Variants in CLINT1 observed in about 807,000 individuals in gnomAD.
The protein encoded by CLINT1 is clathrin interacting protein localized in the trans-Golgi region.
CLINT1 carries 15 observed loss-of-function variants against 70.4 expected under a neutral mutation model. That is an observed-to-expected ratio of 0.21 (90% CI 0.14 to 0.33). The LOEUF (loss-of-function observed/expected upper bound fraction) is 0.33. Among genes scored for constraint, CLINT1 ranks in the 10% least tolerant of loss-of-function variants. The probability of loss-of-function intolerance (pLI) is 1.00; values close to 1 mark genes in which losing one functional copy is unlikely to be tolerated. For missense variants in CLINT1, 615 were observed against 778.1 expected (o/e 0.79, Z 2.49); for synonymous variants, 227 against 254.7 (o/e 0.89, Z 1.04).
In CLINT1 at chr5:157,859,054, GCCGGGGT is replaced by G; in HGVS notation, c.-91_-85del. ...CACTTCCGTACCGGGGCAGTTCCAG[GCCGGGGT>G]CACCGCCGCCCGCCGCCTCGAACTC... is the stretch of plus-strand genomic sequence containing the variant. On this transcript the variant is annotated 5_prime_UTR_variant, in exon 1 of 12. Coordinates refer to ENST00000411809, the MANE Select transcript of CLINT1 (RefSeq NM_014666.4). 6.6e-7 allele frequency: 1 copy of G among 1,517,686 alleles called. No homozygotes were observed. Among genetic ancestry groups the G allele is most frequent in the Non-Finnish European group, 9.0e-7 (1 of 1,112,944 alleles). 94.0% of individuals were successfully genotyped at this position (1,517,686 alleles called of 1,614,324 possible).
chr5:157,806,235 G>A, intron 6 of CLINT1, 123 bp from the exon 7 acceptor site: 1 of 922,794 alleles, frequency 1.1e-6, no homozygotes, highest in Non-Finnish European at 1.6e-6. Context: ...TTGACTACTT[G>A]ACAGGGATCA....
At chr5:157,842,062 T>C (rs754206617) in intron 1 of CLINT1, among the ~76,000 whole-genome samples, 4 of 152,252 alleles carry the variant, frequency 2.6e-5, no homozygotes, top group African/African-American at 4.8e-5. Context: ...ATGAACATTA[T>C]AAGCTTTTAG....
At chr5:157,790,700 G>GT (rs1330359688) in intron 10 of CLINT1, 5 of 447,788 alleles carry the variant, frequency 1.1e-5, no homozygotes, top group Non-Finnish European at 2.2e-5. Flanking sequence ...ATTCTCAATA[G>GT]TTTGAGTCAA....
At chr5:157,804,511 T>C (rs1762329034) in intron 7 of CLINT1, among the ~76,000 whole-genome samples, 1 of 152,178 alleles carries the variant, frequency 6.6e-6, no homozygotes, top group South Asian at 2.1e-4. Flanking sequence ...TAAAATACTA[T>C]ATACTGTGAT....
rs186962185 is a variant in CLINT1 at position 157,844,325 on chromosome 5, A to T, written c.41+14605T>A. 5.5e-4 allele frequency among the ~76,000 whole-genome samples: 84 copies of T among 152,298 alleles called. No homozygotes were observed. In the South Asian group the frequency reaches 0.015, roughly 28 times the overall value. On this transcript the variant is annotated intron_variant, in intron 1 of 11. Transcript: ENST00000411809. ...TAATATGGACCTTCTTTCGTTTATG[A>T]CAGAACTAGCTTCTAAGAAAGTACT... is the stretch of plus-strand genomic sequence containing the variant.
At chr5:157,854,539 T>G (rs1753683013) in intron 1 of CLINT1, among the ~76,000 whole-genome samples, 1 of 151,962 alleles carries the variant, frequency 6.6e-6, no homozygotes, top group South Asian at 2.1e-4. Flanking sequence ...GTCTCAAAAA[T>G]AAAAAATAAA....
At chr5:157,807,241 T>C (rs1364294954) in intron 6 of CLINT1, among the ~76,000 whole-genome samples, 2 of 152,130 alleles carry the variant, frequency 1.3e-5, no homozygotes, top group Non-Finnish European at 2.9e-5. Context: ...GGGTTAAATA[T>C]ATTTTTATAT....
intron 9 of CLINT1, among the ~76,000 whole-genome samples, chr5:157,793,492 C>T (rs10068574): frequency 0.016 from 2,394 of 152,136 alleles, 65 homozygotes; most frequent in African/African-American, 0.054. Flanking sequence ...CAGCCCCCTG[C>T]GTAAGGTGGT....
chr5:157,804,921 C>A (rs114122687), intron 7 of CLINT1, among the ~76,000 whole-genome samples: 1,514 of 144,400 alleles, frequency 0.01, 23 homozygotes, highest in African/African-American at 0.036. Context: ...GAGCGAAACT[C>A]GGTCTTCCAA....
intron 1 of CLINT1, among the ~76,000 whole-genome samples, chr5:157,818,142 G>A (rs1762777546): frequency 6.6e-6 from 1 of 152,084 alleles, no homozygotes; most frequent in Non-Finnish European, 1.5e-5. Flanking sequence ...TTTACTGGCT[G>A]CATAATATTC....
intron 3 of CLINT1, among the ~76,000 whole-genome samples, chr5:157,816,131 A>AT (rs1762715868): frequency 6.6e-6 from 1 of 152,200 alleles, no homozygotes; most frequent in Non-Finnish European, 1.5e-5. Context: ...TAACACATAG[A>AT]TTTTCAATCC....
chr5:157,791,582 C>G, intron 10 of CLINT1, 121 bp downstream of exon 10: 1 of 851,756 alleles, frequency 1.2e-6, no homozygotes, highest in Non-Finnish European at 1.9e-6. Context: ...CACACAGACA[C>G]ATATTCATAC....
chr5:157,848,955 C>T (rs752872462), intron 1 of CLINT1, among the ~76,000 whole-genome samples: 16 of 152,144 alleles, frequency 1.1e-4, no homozygotes, highest in Admixed American at 2.0e-4. Context: ...AGCTATTGTG[C>T]CTGGCCGAAT....
intron 3 of CLINT1, among the ~76,000 whole-genome samples, chr5:157,816,225 A>C (rs1202034039): frequency 6.6e-6 from 1 of 152,204 alleles, no homozygotes; most frequent in Non-Finnish European, 1.5e-5. Context: ...AGAAGCATAG[A>C]TGACTATATT....
intron 5 of CLINT1, among the ~76,000 whole-genome samples, chr5:157,811,146 G>C (rs925676851): frequency 6.6e-6 from 1 of 152,118 alleles, no homozygotes; most frequent in African/African-American, 2.4e-5. Flanking sequence ...AAATGGAAGT[G>C]GATGAAAACC....
chr5:157,831,705 T>TC (rs1391333144), intron 1 of CLINT1, among the ~76,000 whole-genome samples: 1 of 151,046 alleles, frequency 6.6e-6, no homozygotes, highest in Non-Finnish European at 1.5e-5. Flanking sequence ...TTTTTTTTTT[T>TC]TTTTTTTTTA....
intron 1 of CLINT1, among the ~76,000 whole-genome samples, chr5:157,857,935 C>T (rs1011140703): frequency 3.3e-5 from 5 of 152,202 alleles, no homozygotes; most frequent in Non-Finnish European, 5.9e-5. Context: ...AACTGTTTTT[C>T]TCACCACACT....
At chr5:157,858,246 G>A (rs1255985960) in intron 1 of CLINT1, among the ~76,000 whole-genome samples, 1 of 152,216 alleles carries the variant, frequency 6.6e-6, no homozygotes, top group Non-Finnish European at 1.5e-5. Flanking sequence ...GGAACAAGTA[G>A]CACACCAAAA....
chr5:157,807,650 G>A (rs1318272068), intron 6 of CLINT1, among the ~76,000 whole-genome samples: 1 of 152,024 alleles, frequency 6.6e-6, no homozygotes, highest in East Asian at 1.9e-4. Flanking sequence ...CATGTTCACT[G>A]CATTTTCACT....
Sources: gnomAD v4.1 joint callset for allele counts (sites outside exome capture counted in the v4.1 genomes callset) on GRCh38, gnomAD v4.1.1 for gene constraint, MANE v1.5 for transcripts, NCBI Gene and HGNC (gene_info 2026-07-23, HGNC 2026-07-21) for gene names.